Variants in CSMD3 observed in about 807,000 individuals in gnomAD.
CSMD3 encodes the protein CUB and Sushi multiple domains 3.
CSMD3 carries 177 observed loss-of-function variants against 435.2 expected under a neutral mutation model. That is an observed-to-expected ratio of 0.41 (90% CI 0.36 to 0.46). CSMD3 has a LOEUF of 0.46. CSMD3 is among the 20% of genes least tolerant of loss of function. The probability of loss-of-function intolerance (pLI) is 0.34; values close to 1 mark genes in which losing one functional copy is unlikely to be tolerated. For missense variants in CSMD3, 4,265 were observed against 4,504.6 expected, an observed-to-expected ratio of 0.95 and a Z score of 1.52; for synonymous variants, 1,656 against 1,520.5, an observed-to-expected ratio of 1.09 and a Z score of -2.07.
intron 6 of CSMD3, among the ~76,000 whole-genome samples, chr8:113,011,315 T>C (rs894787480): frequency 6.6e-6 from 1 of 151,860 alleles, no homozygotes; most frequent in Non-Finnish European, 1.5e-5. Flanking sequence ...AATGTTTTAC[T>C]AGAAATTGTT....
chr8:112,911,747 ACAT>A (rs562740775), intron 10 of CSMD3, among the ~76,000 whole-genome samples: 254 of 146,104 alleles, frequency 1.7e-3, no homozygotes, highest in Admixed American at 3.2e-3. Context: ...TATTATGTAT[ACAT>A]TATAATATAT....
rs147876650 is a variant in CSMD3, at chr8:112,313,267, C to T, written c.7696+639G>A. On this transcript the variant is annotated intron_variant, in intron 49 of 70. Transcript: ENST00000297405. ...CCAGCCTACATCTTTCTAAGCATCA[C>T]GCAAGGAAAAGCAGTAGCGACAAAA... Among the ~76,000 whole-genome samples, 513 of 152,156 alleles carry T rather than the reference C, an allele frequency of 3.4e-3. 3 individuals are homozygous for T. The highest frequency in any genetic ancestry group is 0.011 in the African/African-American group (476 of 41,524).
chr8:113,066,129 G>GAAAAAAAAAAAAA (rs532343282), intron 5 of CSMD3, among the ~76,000 whole-genome samples: 12 of 49,138 alleles, frequency 2.4e-4, no homozygotes, highest in South Asian at 1.1e-3. Context: ...CCAAGAAAAA[G>GAAAAAAAAAAAAA]AAAAAAAAAA....
intron 3 of CSMD3, among the ~76,000 whole-genome samples, chr8:113,256,233 T>C (rs963965275): frequency 1.3e-5 from 2 of 152,198 alleles, no homozygotes; most frequent in Admixed American, 6.5e-5. Context: ...TCCATGCCCA[T>C]TAAGAAGTCA....
At chr8:112,302,004 T>C in intron 52 of CSMD3, 38 bp from the exon 53 acceptor site, 3 of 1,390,764 alleles carry the variant, frequency 2.2e-6, no homozygotes, top group South Asian at 1.2e-5. Context: ...CTTAAAGATA[T>C]AGTCAAGCTG....
At chr8:113,381,596 A>T (rs999917410) in intron 1 of CSMD3, among the ~76,000 whole-genome samples, 18 of 152,064 alleles carry the variant, frequency 1.2e-4, no homozygotes, top group African/African-American at 3.1e-4. Context: ...CATTCAAAAC[A>T]CTTTAATGCC....
intron 1 of CSMD3, among the ~76,000 whole-genome samples, chr8:113,407,070 A>G (rs1010901600): frequency 1.3e-5 from 2 of 152,186 alleles, no homozygotes; most frequent in Non-Finnish European, 2.9e-5. Context: ...AGCTACATAA[A>G]AATTTAGTAA....
intron 10 of CSMD3, among the ~76,000 whole-genome samples, chr8:112,903,274 A>T (rs1172023703): frequency 6.6e-6 from 1 of 151,210 alleles, no homozygotes; most frequent in Non-Finnish European, 1.5e-5. Flanking sequence ...TAGATTCTAA[A>T]GATAATTATC....
chr8:113,386,601 C>T (rs1269774088), intron 1 of CSMD3, among the ~76,000 whole-genome samples: 2 of 151,712 alleles, frequency 1.3e-5, no homozygotes, highest in African/African-American at 4.8e-5. Flanking sequence ...ATTTCACAAG[C>T]AAGAAAGCCA....
intron 32 of CSMD3, among the ~76,000 whole-genome samples, chr8:112,419,270 C>T (rs1812229264): frequency 6.6e-6 from 1 of 152,118 alleles, no homozygotes; most frequent in African/African-American, 2.4e-5. Flanking sequence ...CATGGCTCCA[C>T]CCTAGAATGC....
At chr8:112,910,026 T>C (rs2082363838) in intron 10 of CSMD3, among the ~76,000 whole-genome samples, 1 of 151,774 alleles carries the variant, frequency 6.6e-6, no homozygotes, top group Non-Finnish European at 1.5e-5. Context: ...GGTTCATGAA[T>C]AAGGGAGAGA....
chr8:112,743,097 C>G (rs1283771805), intron 13 of CSMD3, among the ~76,000 whole-genome samples: 4 of 151,922 alleles, frequency 2.6e-5, no homozygotes, highest in African/African-American at 9.7e-5. Flanking sequence ...TCTGTGTGTA[C>G]ACACATGTGA....
intron 4 of CSMD3, among the ~76,000 whole-genome samples, chr8:113,153,260 G>A (rs2091867478): frequency 6.6e-6 from 1 of 151,426 alleles, no homozygotes; most frequent in Non-Finnish European, 1.5e-5. Context: ...AAGAAAGGAA[G>A]GAAGGAAGGA....
chr8:113,052,536 G>A (rs551718095), intron 5 of CSMD3, among the ~76,000 whole-genome samples: 5 of 152,246 alleles, frequency 3.3e-5, no homozygotes, highest in South Asian at 4.1e-4. Context: ...CCAGCACTTC[G>A]GTAGGCAAAG....
intron 13 of CSMD3, among the ~76,000 whole-genome samples, chr8:112,695,935 A>G (rs941911731): frequency 4.6e-5 from 7 of 152,136 alleles, no homozygotes; most frequent in Admixed American, 3.3e-4. Flanking sequence ...TTATACACCA[A>G]TAACAGACAG....
chr8:113,315,730 T>TA (rs1180428522), intron 1 of CSMD3, among the ~76,000 whole-genome samples: 7 of 149,460 alleles, frequency 4.7e-5, no homozygotes, highest in Non-Finnish European at 1.0e-4. Context: ...TAAATATATA[T>TA]TTTTTTGAGA....
At chr8:112,375,186 T>A (rs1467792085) in intron 38 of CSMD3, among the ~76,000 whole-genome samples, 1 of 152,112 alleles carries the variant, frequency 6.6e-6, no homozygotes, top group African/African-American at 2.4e-5. Flanking sequence ...TTTATAGAAA[T>A]AACAAGTTGT....
intron 4 of CSMD3, among the ~76,000 whole-genome samples, chr8:113,168,821 A>G (rs1008749133): frequency 6.6e-6 from 1 of 152,022 alleles, no homozygotes; most frequent in Non-Finnish European, 1.5e-5. Context: ...CATATTTCTG[A>G]TATCACATTT....
At chr8:113,189,290 ATC>A (rs80072182) in intron 3 of CSMD3, among the ~76,000 whole-genome samples, 285 of 151,930 alleles carry the variant, frequency 1.9e-3, no homozygotes, top group East Asian at 9.2e-3. Context: ...TATGACAATT[ATC>A]TCTCTGTTTG....
Sources: allele counts gnomAD v4.1 joint callset (sites outside exome capture counted in the v4.1 genomes callset), GRCh38; gene constraint gnomAD v4.1.1; transcripts MANE v1.5; gene names NCBI Gene and HGNC (gene_info 2026-07-23, HGNC 2026-07-21).